Variants in SLC30A6 observed in about 807,000 individuals in gnomAD.
The protein encoded by SLC30A6 is solute carrier family 30 member 6, also known as zinc transporter 6.
In SLC30A6, 55 loss-of-function variants were observed where a neutral mutation model predicts 63.0. That is an observed-to-expected ratio of 0.87 (90% CI 0.70 to 1.09). The LOEUF (loss-of-function observed/expected upper bound fraction) is 1.09. SLC30A6 is among the 50% of genes least tolerant of loss of function. SLC30A6 has a pLI of 0.00. For missense variants in SLC30A6, 587 were observed against 549.2 expected (o/e 1.07, Z -0.69); for synonymous variants, 224 against 186.1 (o/e 1.20, Z -1.66).
Position 32,200,834 on chromosome 2 carries a change from G to GAAAAAA in SLC30A6, c.665+3010_665+3015dup, listed in dbSNP as rs59434197. ...GAAACACCCAAGAATGATCAATAAA[G>GAAAAAA]AAAAAAATAATAATAATAATAATAA... On this transcript the variant is annotated intron_variant, in intron 10 of 13. Coordinates refer to ENST00000282587, the MANE Select transcript of SLC30A6 (RefSeq NM_017964.5). 7.1e-4 allele frequency among the ~76,000 whole-genome samples: 106 copies of GAAAAAA among 149,350 alleles called. 1 individual carries two copies. The highest frequency in any genetic ancestry group is 2.5e-3 in the African/African-American group (102 of 40,246).
chr2:32,210,561 G>T (rs1573409286), intron 13 of SLC30A6, among the ~76,000 whole-genome samples: 1 of 143,324 alleles, frequency 7.0e-6, no homozygotes, highest in African/African-American at 2.6e-5. Context: ...AGATCATGCT[G>T]TTTTATAATT....
chr2:32,189,907 G>A (rs1380622150), intron 5 of SLC30A6, among the ~76,000 whole-genome samples: 1 of 151,934 alleles, frequency 6.6e-6, no homozygotes, highest in East Asian at 1.9e-4. Context: ...AGCTGTTATT[G>A]TCTTTTTTCA....
At chr2:32,184,503 G>C (rs188808115) in intron 5 of SLC30A6, among the ~76,000 whole-genome samples, 165 bp downstream of exon 5, 1 of 152,178 alleles carries the variant, frequency 6.6e-6, no homozygotes, top group Non-Finnish European at 1.5e-5. Context: ...AGTGGCTCAC[G>C]CCTGTAATCC....
intron 1 of SLC30A6, among the ~76,000 whole-genome samples, chr2:32,166,161 T>C (rs1239143996): frequency 3.3e-5 from 5 of 152,242 alleles, no homozygotes; most frequent in East Asian, 1.9e-4. Flanking sequence ...GGCGAGTTTC[T>C]GACTTCCCTC....
rs1457611074 is a variant in SLC30A6, at chr2:32,220,524, T to G, written c.1197T>G (p.Val399=). 1 of 1,614,136 alleles carries G rather than the reference T, an allele frequency of 6.2e-7. No individual in the cohort carries two copies. The highest frequency in any genetic ancestry group is 8.5e-7 in the Non-Finnish European group (1 of 1,180,048). ...CTCCTGGGAAAAATGTGAACCCAGT[T>G]ATTCTTCTAAACACACAAACAAGGC... ...FNTPGKNVNP[V]ILLNTQTRPY... is the part of the protein sequence containing the mutation. Residue 399 remains valine (V), a synonymous_variant, in exon 14 of 14, where the codon GTT becomes GTG. Transcript: ENST00000282587.
At chr2:32,195,042 G>A (rs1188971586) in intron 8 of SLC30A6, among the ~76,000 whole-genome samples, 2 of 150,046 alleles carry the variant, frequency 1.3e-5, no homozygotes, top group African/African-American at 4.9e-5. Flanking sequence ...GTATGCACAC[G>A]TACATATAAT....
intron 12 of SLC30A6, among the ~76,000 whole-genome samples, chr2:32,207,188 T>C (rs1187001090): frequency 6.6e-6 from 1 of 152,048 alleles, no homozygotes; most frequent in East Asian, 1.9e-4. Context: ...ATAAATGCTA[T>C]GATTTTTATT....
At chr2:32,178,651 C>T (rs1682009785) in intron 4 of SLC30A6, among the ~76,000 whole-genome samples, 2 of 152,188 alleles carry the variant, frequency 1.3e-5, no homozygotes, top group Admixed American at 1.3e-4. Flanking sequence ...GCACTCCAGC[C>T]TGGACAACAG....
chr2:32,216,271 C>T (rs944213572), intron 13 of SLC30A6, among the ~76,000 whole-genome samples: 2 of 152,144 alleles, frequency 1.3e-5, no homozygotes, highest in African/African-American at 4.8e-5. Context: ...CGCGGTGGCT[C>T]ATGCCTGTAA....
chr2:32,208,234 G>A (rs964610701), intron 12 of SLC30A6, among the ~76,000 whole-genome samples: 1 of 151,494 alleles, frequency 6.6e-6, no homozygotes, highest in Admixed American at 6.6e-5. Context: ...GAGTTCAAGC[G>A]ATTCTCCTGC....
At chr2:32,193,095 T>A (rs569988900) in intron 7 of SLC30A6, 142 bp downstream of exon 7, 1 of 506,338 alleles carries the variant, frequency 2.0e-6, no homozygotes, top group African/African-American at 2.0e-5. Flanking sequence ...AATTCCCTAA[T>A]ACTAAGACTC....
intron 11 of SLC30A6, 138 bp downstream of exon 11, chr2:32,204,830 T>TA (rs34353191): frequency 3.6e-6 from 1 of 275,978 alleles, no homozygotes; most frequent in East Asian, 7.7e-5. Flanking sequence ...TTTTTTTTTT[T>TA]AGAGACAGGT....
chr2:32,197,115 T>A (rs1038415036), intron 8 of SLC30A6, among the ~76,000 whole-genome samples: 4 of 152,152 alleles, frequency 2.6e-5, no homozygotes, highest in Non-Finnish European at 4.4e-5. Flanking sequence ...AACAATGACA[T>A]AAATTCCTTC....
rs1308746890 is a variant in SLC30A6, at chr2:32,224,338, CA to C, written c.*3626del. 1.6e-6 allele frequency: 1 copy of C among 622,568 alleles called. No homozygotes were observed. The highest frequency in any genetic ancestry group is 2.7e-6 in the Non-Finnish European group (1 of 364,780). 38.6% of individuals were successfully genotyped at this position (622,568 alleles called of 1,614,324 possible). On this transcript the variant is annotated 3_prime_UTR_variant, in exon 14 of 14. Coordinates refer to ENST00000282587, the MANE Select transcript of SLC30A6 (RefSeq NM_017964.5). ...GGAGAGCTAAGACACAAAACTGTTG[CA>C]TGTTTTTAATCATCAAATTAAACTT...
chr2:32,187,108 A>G (rs183684808), intron 5 of SLC30A6: 208 of 466,484 alleles, frequency 4.5e-4, no homozygotes, highest in Admixed American at 2.1e-3. Flanking sequence ...TAACTGGCGC[A>G]GGCACTAGAC....
At chr2:32,195,822 G>A (rs182445126) in intron 8 of SLC30A6, among the ~76,000 whole-genome samples, 7 of 152,054 alleles carry the variant, frequency 4.6e-5, no homozygotes, top group East Asian at 1.9e-4. Context: ...GACGACAGGC[G>A]TGAGCCACTG....
intron 5 of SLC30A6, chr2:32,187,281 C>A (rs1682922739): frequency 4.3e-6 from 2 of 469,284 alleles, no homozygotes; most frequent in South Asian, 3.1e-5. Flanking sequence ...TAATAAATTA[C>A]TACTGTTAAA....
At position 32,223,238 on chromosome 2, in the gene SLC30A6, T is replaced by G. The variant is rs1266820165; in HGVS notation, c.*2525T>G. ...CTTACTAGTAAATCTTGCCACAGAA[T>G]CACTTGAAGCTAGACAGAGAAAGAA... On this transcript the variant is annotated 3_prime_UTR_variant, in exon 14 of 14. Coordinates refer to ENST00000282587, the MANE Select transcript of SLC30A6 (RefSeq NM_017964.5). The G allele has an allele frequency of 6.6e-6, 1 of 152,234 alleles. No homozygotes were observed. The highest frequency in any genetic ancestry group is 1.5e-5 in the Non-Finnish European group (1 of 68,044). The allele number at this position is 152,234 out of a possible 1,614,324, so 9.4% of individuals were successfully genotyped here. A position where few individuals can be genotyped will look rare whatever the true frequency, so the allele number is the denominator to read the frequency against.
In SLC30A6 at chr2:32,165,912, G is replaced by A. The variant is rs754794898; in HGVS notation, c.3+9G>A. On this transcript the variant is annotated intron_variant, in intron 1 of 13. Transcript: ENST00000282587. ...TGCAGCTCCTTATCATGGTGAGTTG[G>A]CTGTTGGGGTGAGGGTTTCGGCTGT... 3.1e-6 allele frequency: 5 copies of A among 1,614,072 alleles called. No individual in the cohort carries two copies. In the East Asian group the frequency reaches 8.9e-5, roughly 29 times the overall value.
Sources: gnomAD v4.1 joint callset for allele counts (sites outside exome capture counted in the v4.1 genomes callset) on GRCh38, gnomAD v4.1.1 for gene constraint, MANE v1.5 for transcripts, NCBI Gene and HGNC (gene_info 2026-07-23, HGNC 2026-07-21) for gene names.